VSIG1: variants seen among roughly 807,000 people sequenced by gnomAD.
VSIG1 encodes the protein V-set and immunoglobulin domain-containing protein 1.
In VSIG1, 11 loss-of-function variants were observed where a neutral mutation model predicts 20.1. The ratio of observed to expected loss-of-function variants is 0.55; its 90% CI spans 0.34 to 0.91. VSIG1 has a LOEUF of 0.91. Ranked by LOEUF, VSIG1 falls within the 40% of genes least tolerant of loss-of-function variation. The pLI is 0.02. For missense variants in VSIG1, 283 were observed against 298.8 expected (o/e 0.95, Z 0.39); for synonymous variants, 126 against 116.7 (o/e 1.08, Z -0.52).
the VSIG1 span, among the ~76,000 whole-genome samples, chrX:108,020,207 T>A: frequency 8.9e-6 from 1 of 112,026 alleles, no homozygotes; most frequent in East Asian, 2.8e-4. Context: ...CTTTTACCTT[T>A]TTTTCTTTTT....
chrX:108,068,647 AG>A (rs1300658968), intron 3 of VSIG1, among the ~76,000 whole-genome samples: 1 of 111,734 alleles, frequency 8.9e-6, no homozygotes, highest in Non-Finnish European at 1.9e-5. Flanking sequence ...ATCAGCACCG[AG>A]GGGGAAATCC....
the VSIG1 span, among the ~76,000 whole-genome samples, chrX:108,018,938 T>C: frequency 1.2e-3 from 133 of 111,557 alleles, no homozygotes; most frequent in African/African-American, 4.0e-3. Context: ...GTTCCTGGGC[T>C]TCAGGGCAGC....
intron 6 of VSIG1, among the ~76,000 whole-genome samples, chrX:108,076,620 T>C (rs2031353328): frequency 8.9e-6 from 1 of 112,212 alleles, no homozygotes. Context: ...ATGCTCTTAA[T>C]CACTCTATTT....
the VSIG1 span, among the ~76,000 whole-genome samples, chrX:108,025,634 T>C: frequency 8.9e-6 from 1 of 112,774 alleles, no homozygotes; most frequent in African/African-American, 3.2e-5. Flanking sequence ...GTGGGTGATT[T>C]TGTGTTTTTA....
chrX:108,047,965 T>TATATATATACACAC (rs2030683961), intron 1 of VSIG1, among the ~76,000 whole-genome samples: 1 of 18,702 alleles, frequency 5.3e-5, no homozygotes, highest in African/African-American at 2.6e-4. Context: ...CACACACATA[T>TATATATATACACAC]ATATATATAT....
In VSIG1 at chrX:108,047,951, T is replaced by C. The variant is rs1244035077; in HGVS notation, c.49+2772T>C. Among the ~76,000 whole-genome samples the C allele has an allele frequency of 8.3e-3, 155 of 18,758 alleles. 12 individuals carry two copies. The highest frequency in any genetic ancestry group is 0.011 in the Non-Finnish European group (129 of 11,288). The allele number at this position is 18,758 out of a possible 115,157, so 16.3% of individuals were successfully genotyped here. A position where few individuals can be genotyped will look rare whatever the true frequency, so the allele number is the denominator to read the frequency against. On this transcript the variant is annotated intron_variant, in intron 1 of 6. Coordinates refer to ENST00000217957, the MANE Select transcript of VSIG1 (RefSeq NM_182607.5). ...ATATATATACACATATATATATATA[T>C]ATACACACACATATATATATATATA...
chrX:108,024,713 G>A, the VSIG1 span, among the ~76,000 whole-genome samples: 1 of 110,446 alleles, frequency 9.1e-6, no homozygotes, highest in African/African-American at 3.3e-5. Flanking sequence ...TTTGACTCAA[G>A]TAGCTATTTA....
At chrX:108,055,278 TA>T (rs2030871499) in intron 1 of VSIG1, among the ~76,000 whole-genome samples, 1 of 111,930 alleles carries the variant, frequency 8.9e-6, no homozygotes, top group African/African-American at 3.2e-5. Context: ...ATAATCTGAA[TA>T]GCTCTATAAC....
chrX:108,025,563 T>C, the VSIG1 span, among the ~76,000 whole-genome samples: 4 of 112,700 alleles, frequency 3.5e-5, no homozygotes, highest in Middle Eastern at 4.6e-3. Context: ...ATATGCGCAA[T>C]TGTGTGTGTA....
chrX:108,050,371 A>G (rs1027198443), intron 1 of VSIG1, among the ~76,000 whole-genome samples: 2 of 111,511 alleles, frequency 1.8e-5, no homozygotes, highest in Non-Finnish European at 3.8e-5. Context: ...CAACCCTCCA[A>G]CACCCTCTGT....
chrX:108,047,604 G>T, intron 1 of VSIG1, among the ~76,000 whole-genome samples: 1 of 107,109 alleles, frequency 9.3e-6, no homozygotes, highest in South Asian at 4.0e-4. Context: ...ATATGAAGTT[G>T]CTGGAAATTA....
chrX:108,078,477 C>G lies in VSIG1; in HGVS notation c.*1096C>G, dbSNP rs966299141. ...TGGTAGTGCATGCCTGTAATCCCAG[C>G]TACTTGGGAGGCTGAGGCAGGAGAA... On this transcript the variant is annotated 3_prime_UTR_variant, in exon 7 of 7. Coordinates refer to ENST00000217957, the MANE Select transcript of VSIG1 (RefSeq NM_182607.5). The G allele has an allele frequency of 4.5e-5, 5 of 111,814 alleles. No individual in the cohort carries two copies. The highest frequency in any genetic ancestry group is 1.3e-4 in the African/African-American group (4 of 30,725). 9.2% of individuals were successfully genotyped at this position (111,814 alleles called of 1,213,427 possible).
the VSIG1 span, among the ~76,000 whole-genome samples, chrX:108,019,292 A>G: frequency 8.9e-6 from 1 of 112,146 alleles, no homozygotes; most frequent in Admixed American, 9.4e-5. Context: ...CACTATGGTG[A>G]ACTGGGCTGT....
intron 3 of VSIG1, among the ~76,000 whole-genome samples, chrX:108,069,114 C>T (rs1219647824): frequency 9.0e-6 from 1 of 111,570 alleles, no homozygotes; most frequent in African/African-American, 3.3e-5. Flanking sequence ...CATCTCAGAG[C>T]TTGGAAATAG....
chrX:108,046,900 T>C (rs1014264018), intron 1 of VSIG1, among the ~76,000 whole-genome samples: 3 of 110,850 alleles, frequency 2.7e-5, no homozygotes, highest in Non-Finnish European at 5.7e-5. Flanking sequence ...TGGTATATAG[T>C]GTACACTATA....
At chrX:108,075,883 T>A (rs768508214) in intron 5 of VSIG1, among the ~76,000 whole-genome samples, 194 bp from the exon 6 acceptor site, 9 of 111,858 alleles carry the variant, frequency 8.0e-5, no homozygotes, top group Non-Finnish European at 1.3e-4. Flanking sequence ...TTTTATTCTT[T>A]ATGTGCACAA....
At chrX:108,066,300 T>C (rs1747072266) in intron 2 of VSIG1, among the ~76,000 whole-genome samples, 1 of 111,307 alleles carries the variant, frequency 9.0e-6, no homozygotes, top group Non-Finnish European at 1.9e-5. Context: ...GGCTGAGCAC[T>C]TCCGAGGTCC....
the VSIG1 span, among the ~76,000 whole-genome samples, chrX:108,019,575 C>T: frequency 8.9e-6 from 1 of 112,109 alleles, no homozygotes; most frequent in East Asian, 2.8e-4. Flanking sequence ...CCCACAGTGT[C>T]TGCAGCTGCA....
At chrX:108,048,220 C>T (rs888115269) in intron 1 of VSIG1, among the ~76,000 whole-genome samples, 1 of 107,529 alleles carries the variant, frequency 9.3e-6, no homozygotes, top group Non-Finnish European at 1.9e-5. Context: ...TCAGGCTGGT[C>T]TTGAACTCCC....
Sources: gnomAD v4.1 joint callset for allele counts (sites outside exome capture counted in the v4.1 genomes callset) on GRCh38, gnomAD v4.1.1 for gene constraint, MANE v1.5 for transcripts, NCBI Gene and HGNC (gene_info 2026-07-23, HGNC 2026-07-21) for gene names.